PARD3B: variants seen among roughly 807,000 people sequenced by gnomAD.
The protein encoded by PARD3B is par-3 family cell polarity regulator beta.
PARD3B carries 103 observed loss-of-function variants against 130.2 expected under a neutral mutation model. That is an observed-to-expected ratio of 0.79 (90% CI 0.67 to 0.93). PARD3B has a LOEUF of 0.93. Ranked by LOEUF, PARD3B falls within the 40% of genes least tolerant of loss-of-function variation. The pLI is 0.00. For synonymous variants in PARD3B, 583 were observed against 553.2 expected, an observed-to-expected ratio of 1.05 and a Z score of -0.76; for missense variants, 1,609 against 1,499.2, an observed-to-expected ratio of 1.07 and a Z score of -1.21.
At chr2:204,686,480 T>C (rs1477948159) in intron 2 of PARD3B, among the ~76,000 whole-genome samples, 198 bp downstream of exon 2, 3 of 152,184 alleles carry the variant, frequency 2.0e-5, no homozygotes, top group Admixed American at 6.5e-5. Context: ...GGAATCTGTT[T>C]GTGTTGGCCT....
In PARD3B at chr2:204,967,715, G is replaced by T. The variant is rs1474147855; in HGVS notation, c.394+2392G>T. ...TTTTCAGATAGCGAAGTTAAAGAAGGAAGCAACACAGCCAGCTTTGGTCTC... is the reference window on the plus strand; with the variant it reads ...TTTTCAGATAGCGAAGTTAAAGAAGTAAGCAACACAGCCAGCTTTGGTCTC... On this transcript the variant is annotated intron_variant, in intron 3 of 22. Transcript: ENST00000406610. This position sits in a 1 kb window ranked among gnomAD's most constrained non-coding sequence, Gnocchi z 4.4. Among the ~76,000 whole-genome samples the T allele has an allele frequency of 6.6e-6, 1 of 152,204 alleles. No homozygotes were observed. Among genetic ancestry groups the T allele is most frequent in the African/African-American group, 2.4e-5 (1 of 41,454 alleles).
chr2:204,894,067 A>G (rs2046549022), intron 2 of PARD3B, among the ~76,000 whole-genome samples: 1 of 152,116 alleles, frequency 6.6e-6, no homozygotes. Context: ...AAAAAAAAAA[A>G]AGTTAATTGC....
chr2:204,600,430 C>A lies in PARD3B; in HGVS notation c.120+54311C>A, dbSNP rs546995231. On this transcript the variant is annotated intron_variant, in intron 1 of 22. Transcript: ENST00000406610. Reference sequence around the variant, plus strand: ...CCATTTATTGAAGAGATTGTTCTTTCTTTAATATTCTTTGCACCTTTGTCA... The same window carrying A: ...CCATTTATTGAAGAGATTGTTCTTTATTTAATATTCTTTGCACCTTTGTCA... Among the ~76,000 whole-genome samples, 255 of 151,746 alleles carry A rather than the reference C, an allele frequency of 1.7e-3. 1 individual carries two copies. The highest frequency in any genetic ancestry group is 1.9e-3 in the African/African-American group (79 of 41,470).
intron 4 of PARD3B, among the ~76,000 whole-genome samples, chr2:205,082,827 C>T (rs1286905955): frequency 6.6e-6 from 1 of 150,552 alleles, no homozygotes; most frequent in Non-Finnish European, 1.5e-5. Flanking sequence ...TAATGGGCAA[C>T]ATATTACTAA....
chr2:204,681,092 A>G (rs1403517529), intron 1 of PARD3B, among the ~76,000 whole-genome samples: 1 of 152,178 alleles, frequency 6.6e-6, no homozygotes, highest in African/African-American at 2.4e-5. Context: ...TATATGTATT[A>G]AAGTTATATT....
At chr2:204,867,888 G>C (rs1176875107) in intron 2 of PARD3B, among the ~76,000 whole-genome samples, 1 of 152,150 alleles carries the variant, frequency 6.6e-6, no homozygotes, top group East Asian at 1.9e-4. Flanking sequence ...GGAAGTGTTT[G>C]AAATATTGAA....
chr2:204,925,158 C>T (rs896752990), intron 2 of PARD3B, among the ~76,000 whole-genome samples: 2 of 151,900 alleles, frequency 1.3e-5, no homozygotes, highest in Non-Finnish European at 2.9e-5. Context: ...GAAGGGTAAT[C>T]AATTATCTCT....
intron 4 of PARD3B, among the ~76,000 whole-genome samples, chr2:205,103,402 T>A (rs1314493909): frequency 4.9e-5 from 7 of 141,626 alleles, no homozygotes; most frequent in South Asian, 2.2e-4. Flanking sequence ...ATTATATAAA[T>A]AAAATATTTA....
intron 18 of PARD3B, among the ~76,000 whole-genome samples, chr2:205,308,438 C>G (rs918900226): frequency 6.6e-6 from 1 of 151,976 alleles, no homozygotes; most frequent in Non-Finnish European, 1.5e-5. Flanking sequence ...AACCCCGTCT[C>G]TACTAAAAAA....
intron 2 of PARD3B, among the ~76,000 whole-genome samples, chr2:204,701,584 A>G (rs1033828055): frequency 1.3e-5 from 2 of 150,978 alleles, no homozygotes; most frequent in African/African-American, 2.5e-5. Flanking sequence ...CTGAAACTCT[A>G]TTTTAAGTTG....
rs775245842 is a variant in PARD3B, at chr2:205,301,556, A to C, written c.2485A>C (p.Asn829His). Residue 829 changes from asparagine to histidine, a missense_variant, in exon 18 of 23, where the codon AAT becomes CAT. Coordinates refer to ENST00000406610, the MANE Select transcript of PARD3B (RefSeq NM_001302769.2). This position sits in a 1 kb window ranked among gnomAD's most constrained non-coding sequence, Gnocchi z 5.2. Reference sequence around the variant, plus strand: ...GAATTCGGAGCTAGAGGACATGGAAAATAAAGCCAGGAAAGTCAAAAAAAC... The same window carrying C: ...GAATTCGGAGCTAGAGGACATGGAACATAAAGCCAGGAAAGTCAAAAAAAC... ...QGNSELEDME[N>H]KARKVKKTKE... The C allele has an allele frequency of 4.3e-6, 7 of 1,614,104 alleles. No individual in the cohort carries two copies. The Admixed American group carries it at 1.2e-4, about 27-fold the overall frequency.
At chr2:204,640,560 G>A (rs1054783676) in intron 1 of PARD3B, among the ~76,000 whole-genome samples, 7 of 151,508 alleles carry the variant, frequency 4.6e-5, no homozygotes, top group Non-Finnish European at 8.8e-5. Context: ...CAAGGGCAGA[G>A]GGAGTGCTAA....
At position 205,465,854 on chromosome 2, in the gene PARD3B, A is replaced by C. The variant is rs568775675; in HGVS notation, c.3044+25182A>C. 7.9e-5 allele frequency among the ~76,000 whole-genome samples: 12 copies of C among 152,334 alleles called. No individual in the cohort carries two copies. The East Asian group carries it at 2.1e-3, about 27-fold the overall frequency. Reference sequence around the variant, plus strand: ...AATAATTGCAGCTAAAAGCTGCATTAATTGACCAGTGATAGGTTGAAAGCT... The same window carrying C: ...AATAATTGCAGCTAAAAGCTGCATTCATTGACCAGTGATAGGTTGAAAGCT... On this transcript the variant is annotated intron_variant, in intron 20 of 22. Transcript: ENST00000406610.
At chr2:205,063,823 C>T (rs1182601459) in intron 4 of PARD3B, among the ~76,000 whole-genome samples, 1 of 152,046 alleles carries the variant, frequency 6.6e-6, no homozygotes, top group East Asian at 1.9e-4. Context: ...AAGAATAATT[C>T]CCACTTTTCA....
intron 2 of PARD3B, among the ~76,000 whole-genome samples, chr2:204,784,091 AT>A (rs1445184093): frequency 6.6e-6 from 1 of 152,190 alleles, no homozygotes; most frequent in East Asian, 1.9e-4. Flanking sequence ...GAAAGAACAC[AT>A]AGAAAGGGCT....
At chr2:204,729,741 T>C (rs1451546738) in intron 2 of PARD3B, among the ~76,000 whole-genome samples, 2 of 152,192 alleles carry the variant, frequency 1.3e-5, no homozygotes, top group African/African-American at 4.8e-5. Flanking sequence ...TTGTATTTTT[T>C]ATTGTTTTCA....
rs1331253947 is a variant in PARD3B at position 205,291,065 on chromosome 2, G to T, written c.2186-9465G>T. 6.6e-6 allele frequency among the ~76,000 whole-genome samples: 1 copy of T among 152,134 alleles called. No individual in the cohort carries two copies. Among genetic ancestry groups the T allele is most frequent in the Non-Finnish European group, 1.5e-5 (1 of 68,030 alleles). On this transcript the variant is annotated intron_variant, in intron 16 of 22. Coordinates refer to ENST00000406610, the MANE Select transcript of PARD3B (RefSeq NM_001302769.2). The surrounding 1 kb of genome is among the most constrained non-coding windows in gnomAD (Gnocchi z 4.6). The stretch of plus-strand genomic sequence containing the variant: ...GGACTAAGACAAAAATTGGTACCAA[G>T]AAGTAAAATGACACTATAACAAATA...
At chr2:204,567,214 C>T (rs1171031481) in intron 1 of PARD3B, among the ~76,000 whole-genome samples, 5 of 151,424 alleles carry the variant, frequency 3.3e-5, no homozygotes, top group South Asian at 4.2e-4. Flanking sequence ...ATTTTTTTTT[C>T]GTTAAAACGT....
At chr2:204,774,732 C>A (rs960498085) in intron 2 of PARD3B, among the ~76,000 whole-genome samples, 2 of 152,068 alleles carry the variant, frequency 1.3e-5, no homozygotes, top group African/African-American at 4.8e-5. Flanking sequence ...TGCATAAGCC[C>A]TACTATGAAA....
Sources: allele counts gnomAD v4.1 joint callset (sites outside exome capture counted in the v4.1 genomes callset), GRCh38; gene constraint gnomAD v4.1.1; non-coding constraint Gnocchi (gnomAD v3.1); transcripts MANE v1.5; gene names NCBI Gene and HGNC (gene_info 2026-07-23, HGNC 2026-07-21).